MED13: variants seen among roughly 807,000 people sequenced by gnomAD.
MED13 encodes the protein mediator of RNA polymerase II transcription subunit 13.
MED13 carries 23 observed loss-of-function variants against 225.2 expected under a neutral mutation model. That is an observed-to-expected ratio of 0.10 (90% CI 0.07 to 0.14). The LOEUF is 0.14. Among genes scored for constraint, MED13 ranks in the 10% least tolerant of loss-of-function variants. MED13 has a pLI of 1.00. For synonymous variants in MED13, 942 were observed against 889.2 expected (o/e 1.06, Z -1.06); for missense variants, 2,197 against 2,594.5 (o/e 0.85, Z 3.33).
chr17:62,030,153 G>T, intron 6 of MED13, 140 bp from the exon 7 acceptor site: 1 of 854,832 alleles, frequency 1.2e-6, no homozygotes. Flanking sequence ...TAAAAAGCAT[G>T]CTACTTTTTG....
At chr17:61,979,032 CAT>C (rs373811901) in intron 16 of MED13, among the ~76,000 whole-genome samples, 137 of 152,284 alleles carry the variant, frequency 9.0e-4, no homozygotes, top group African/African-American at 2.7e-3. Flanking sequence ...TTTTTGGACA[CAT>C]GTGAAATTTC....
rs771095446 is a variant in MED13, at chr17:62,035,624, A to G, written c.471-16T>C. 1.3e-6 allele frequency: 2 copies of G among 1,597,034 alleles called. No individual in the cohort carries two copies. The highest frequency in any genetic ancestry group is 2.3e-5 in the South Asian group (2 of 87,304). On this transcript the variant is annotated splice_polypyrimidine_tract_variant and intron_variant, in intron 3 of 29. Coordinates refer to ENST00000397786, the MANE Select transcript of MED13 (RefSeq NM_005121.3). ...CAAGTGTTCACTAAAAAAGAAGAAA[A>G]AGTTTTATCTTAGTGATGACTAGTG... is the stretch of plus-strand genomic sequence containing the variant.
chr17:62,001,126 A>C (rs1315936923), intron 9 of MED13, among the ~76,000 whole-genome samples: 9 of 152,192 alleles, frequency 5.9e-5, no homozygotes, highest in Non-Finnish European at 1.0e-4. Context: ...AAAATCAGAA[A>C]AATTAAGTTT....
rs371928096 is a variant in MED13, at chr17:62,010,759, G to C, written c.1758C>G (p.Phe586Leu). Residue 586 changes from phenylalanine (F) to leucine (L), a missense_variant, in exon 9 of 30, where the codon TTC (phenylalanine) becomes TTG (leucine). By Grantham distance (22) the Phe-to-Leu change is conservative. Around this residue, in one of 12 missense-constraint regions of MED13, gnomAD observed 884 missense variants for 918.5 expected, o/e 0.96. Coordinates refer to ENST00000397786, the MANE Select transcript of MED13 (RefSeq NM_005121.3). Reference protein sequence around the residue: ...EDRIDSLSQSFPPQYQEAVEP... With the variant: ...EDRIDSLSQSLPPQYQEAVEP... Reference sequence around the variant, plus strand: ...CTACAGCTTCCTGATATTGAGGTGGGAAAGACTGGGACAAACTGTCTATCC... The same window carrying C: ...CTACAGCTTCCTGATATTGAGGTGGCAAAGACTGGGACAAACTGTCTATCC... The C allele has an allele frequency of 9.9e-6, 16 of 1,613,960 alleles. No homozygotes were observed. Among genetic ancestry groups the C allele is most frequent in the Non-Finnish European group, 1.4e-5 (16 of 1,179,976 alleles).
chr17:62,017,970 T>TA, intron 8 of MED13, among the ~76,000 whole-genome samples: 1 of 152,186 alleles, frequency 6.6e-6, no homozygotes, highest in East Asian at 1.9e-4. Context: ...GTAGATAAAC[T>TA]AAGATTATCC....
intron 1 of MED13, among the ~76,000 whole-genome samples, chr17:62,064,470 C>G (rs2081065231): frequency 6.6e-6 from 1 of 152,188 alleles, no homozygotes; most frequent in Non-Finnish European, 1.5e-5. Flanking sequence ...CACAGCACCT[C>G]GTCCACTAGC....
intron 23 of MED13, among the ~76,000 whole-genome samples, chr17:61,958,420 C>T (rs2079968362): frequency 6.7e-6 from 1 of 149,564 alleles, no homozygotes; most frequent in Non-Finnish European, 1.5e-5. Context: ...CTCACTGCAA[C>T]CTTCGCTTCC....
intron 3 of MED13, among the ~76,000 whole-genome samples, chr17:62,044,013 T>C (rs2080877520): frequency 6.6e-6 from 1 of 152,168 alleles, no homozygotes; most frequent in Non-Finnish European, 1.5e-5. Flanking sequence ...CTAGCTTCTC[T>C]AGAAATTTGC....
At position 62,062,918 on chromosome 17, in the gene MED13, T is replaced by C. The variant is rs917882924; in HGVS notation, c.301+149A>G. The C allele has an allele frequency of 2.0e-5, 12 of 591,320 alleles. No individual in the cohort carries two copies. The Admixed American group carries it at 3.2e-4, about 16-fold the overall frequency. The allele number at this position is 591,320 out of a possible 1,614,324, so 36.6% of individuals were successfully genotyped here. ...GGATAATTTAAGTAAAATAAAATAATCATGGTGAAATAAAACAATGAAGCT... is the reference window on the plus strand; with the variant it reads ...GGATAATTTAAGTAAAATAAAATAACCATGGTGAAATAAAACAATGAAGCT... On this transcript the variant is annotated intron_variant, in intron 2 of 29. Transcript: ENST00000397786.
chr17:61,977,286 T>C (rs923781045), intron 16 of MED13, among the ~76,000 whole-genome samples: 5 of 152,108 alleles, frequency 3.3e-5, no homozygotes, highest in African/African-American at 7.2e-5. Flanking sequence ...GAAGATGATA[T>C]CTGACAAGAT....
intron 8 of MED13, among the ~76,000 whole-genome samples, chr17:62,021,585 A>G (rs1007963784): frequency 3.9e-5 from 6 of 152,248 alleles, no homozygotes; most frequent in South Asian, 2.1e-4. Context: ...CTAAAGTCTA[A>G]TATCAGTAAA....
At chr17:62,000,994 C>T (rs560411600) in intron 9 of MED13, among the ~76,000 whole-genome samples, 5 of 152,256 alleles carry the variant, frequency 3.3e-5, no homozygotes, top group African/African-American at 1.2e-4. Flanking sequence ...AAACTCCTGA[C>T]CTCGTGATCC....
chr17:62,042,570 A>AAAC (rs2080862248), intron 3 of MED13, among the ~76,000 whole-genome samples: 1 of 151,476 alleles, frequency 6.6e-6, no homozygotes, highest in African/African-American at 2.4e-5. Flanking sequence ...CAAAAAAAAA[A>AAAC]AAAAAAAAAA....
At chr17:61,972,971 A>G (rs1603394680) in intron 16 of MED13, 83 bp from the exon 17 acceptor site, 4 of 1,172,908 alleles carry the variant, frequency 3.4e-6, no homozygotes, top group East Asian at 4.8e-5. Flanking sequence ...CAAAACACAT[A>G]TAGGGAAGTT....
chr17:62,043,322 A>G (rs751894853), intron 3 of MED13, among the ~76,000 whole-genome samples: 11 of 152,140 alleles, frequency 7.2e-5, no homozygotes, highest in Non-Finnish European at 1.6e-4. Context: ...TTCTAGTGAC[A>G]TCATCATTTA....
At position 61,953,130 on chromosome 17, in the gene MED13, A is replaced by G; in HGVS notation, c.5969-17T>C. The G allele has an allele frequency of 6.2e-7, 1 of 1,601,988 alleles. No homozygotes were observed. Among genetic ancestry groups the G allele is most frequent in the Non-Finnish European group, 8.5e-7 (1 of 1,176,372 alleles). On this transcript the variant is annotated splice_polypyrimidine_tract_variant and intron_variant, in intron 26 of 29. Transcript: ENST00000397786. Reference sequence around the variant, plus strand: ...CTGCTCCATCTAAACAGGAGAAAGAAAAGAAATTTAAAACTCCATTTTCCA... The same window carrying G: ...CTGCTCCATCTAAACAGGAGAAAGAGAAGAAATTTAAAACTCCATTTTCCA...
chr17:62,065,145 A>T lies in MED13; in HGVS notation c.61T>A (p.Cys21Ser), dbSNP rs1447166093. 6.4e-7 allele frequency: 1 copy of T among 1,572,302 alleles called. No homozygotes were observed. The highest frequency in any genetic ancestry group is 8.6e-7 in the Non-Finnish European group (1 of 1,160,886). ...SLEDCHCNLF[C>S]LADLTGIKWK... ...CCGCCGGCCCCGGCACTCACCAGGC[A>T]GAAGAGGTTACAGTGACAATCTTCC... Residue 21 changes from cysteine (C) to serine (S), a missense_variant, in exon 1 of 30, where the codon TGC (cysteine) becomes AGC (serine). This residue lies in a region of MED13 where 884 missense variants were observed against 918.5 expected (regional missense o/e 0.96). Transcript: ENST00000397786.
chr17:62,012,143 G>A (rs1199368835), intron 8 of MED13, among the ~76,000 whole-genome samples: 2 of 151,510 alleles, frequency 1.3e-5, no homozygotes, highest in Admixed American at 1.3e-4. Flanking sequence ...TTGAACCCAG[G>A]AGGCAGAGGT....
Position 62,002,745 on chromosome 17 carries a change from T to A in MED13, c.1968-7380A>T, listed in dbSNP as rs1053268443. ...TTTTGTTTCAGCATATAAAAGACCA[T>A]GTCAAGTATCTCACTCTAGTTTGGA... On this transcript the variant is annotated intron_variant, in intron 9 of 29. Transcript: ENST00000397786. 6.6e-5 allele frequency among the ~76,000 whole-genome samples: 10 copies of A among 152,320 alleles called. No homozygotes were observed. In the East Asian group the frequency reaches 1.9e-3, roughly 29 times the overall value.
Sources: allele counts gnomAD v4.1 joint callset (sites outside exome capture counted in the v4.1 genomes callset), GRCh38; gene constraint gnomAD v4.1.1; regional missense constraint gnomAD v4.1.1; transcripts MANE v1.5; gene names NCBI Gene and HGNC (gene_info 2026-07-23, HGNC 2026-07-21).